TMEM232: variants seen among roughly 807,000 people sequenced by gnomAD.
TMEM232 encodes transmembrane protein 232.
Under a neutral mutation model 78.8 loss-of-function variants are expected in TMEM232, and 80 were observed. The observed-to-expected ratio is 1.01, with a 90% CI of 0.85 to 1.22. TMEM232 has a LOEUF of 1.22. Among genes scored for constraint, TMEM232 ranks in the 50% most tolerant of loss-of-function variants. The pLI, the probability that TMEM232 is intolerant of heterozygous loss-of-function variation, is 0.00. For synonymous variants in TMEM232, 297 were observed against 254.3 expected, an observed-to-expected ratio of 1.17 and a Z score of -1.60; for missense variants, 881 against 742.2, an observed-to-expected ratio of 1.19 and a Z score of -2.17.
intron 12 of TMEM232, among the ~76,000 whole-genome samples, chr5:110,495,639 C>T (rs1279685667): frequency 6.6e-6 from 1 of 151,704 alleles, no homozygotes; most frequent in Non-Finnish European, 1.5e-5. Context: ...GAGGTCAGAA[C>T]ACATATTAGT....
At chr5:110,690,983 G>T (rs1341686335) in intron 1 of TMEM232, among the ~76,000 whole-genome samples, 1 of 151,964 alleles carries the variant, frequency 6.6e-6, no homozygotes, top group Non-Finnish European at 1.5e-5. Flanking sequence ...GGGGGTGTGG[G>T]GGTAGGGGAG....
At chr5:110,588,600 G>T (rs566115110) in intron 10 of TMEM232, among the ~76,000 whole-genome samples, 3 of 152,208 alleles carry the variant, frequency 2.0e-5, no homozygotes, top group African/African-American at 7.2e-5. Flanking sequence ...ACTAGAACGC[G>T]AGAAAATGAA....
At chr5:110,468,726 T>A (rs1762354049) in intron 12 of TMEM232, among the ~76,000 whole-genome samples, 1 of 152,218 alleles carries the variant, frequency 6.6e-6, no homozygotes, top group Non-Finnish European at 1.5e-5. Flanking sequence ...TTTGCTCAAA[T>A]CCCAGATCCT....
intron 5 of TMEM232, among the ~76,000 whole-genome samples, chr5:110,632,800 A>T (rs1785303413): frequency 6.6e-6 from 1 of 152,180 alleles, no homozygotes; most frequent in Non-Finnish European, 1.5e-5. Flanking sequence ...GTATCCCTAA[A>T]GGAGAAAAGT....
At chr5:110,583,960 T>C (rs941129447) in intron 10 of TMEM232, among the ~76,000 whole-genome samples, 4 of 136,110 alleles carry the variant, frequency 2.9e-5, no homozygotes, top group African/African-American at 8.4e-5. Flanking sequence ...TTAGAATATC[T>C]ATTATCAAAA....
chr5:110,483,749 T>TA (rs368161806), intron 12 of TMEM232, among the ~76,000 whole-genome samples: 7,411 of 146,686 alleles, frequency 0.051, 536 homozygotes, highest in African/African-American at 0.16. Context: ...TAAAGTATAA[T>TA]AAAAAAAAAA....
At chr5:110,406,308 A>T (rs1048330657) in intron 2 of TMEM232, among the ~76,000 whole-genome samples, 1 of 150,638 alleles carries the variant, frequency 6.6e-6, no homozygotes, top group Non-Finnish European at 1.5e-5. Context: ...ACACACACAT[A>T]TGTGTCTATA....
At chr5:110,467,808 G>T (rs1047522904) in intron 12 of TMEM232, among the ~76,000 whole-genome samples, 20 of 152,062 alleles carry the variant, frequency 1.3e-4, no homozygotes, top group Admixed American at 9.8e-4. Context: ...TGTCCACATG[G>T]CTCCTTCTGT....
chr5:110,607,733 A>G (rs1412550624), intron 8 of TMEM232, among the ~76,000 whole-genome samples: 1 of 151,982 alleles, frequency 6.6e-6, no homozygotes, highest in Non-Finnish European at 1.5e-5. Context: ...TATTATGAAG[A>G]CTTCCAGGTA....
At chr5:110,698,445 A>T (rs554838478) in intron 1 of TMEM232, among the ~76,000 whole-genome samples, 98 of 143,972 alleles carry the variant, frequency 6.8e-4, no homozygotes, top group Middle Eastern at 3.4e-3. Flanking sequence ...TAATAAAATT[A>T]AAAAAAAATG....
intron 12 of TMEM232, among the ~76,000 whole-genome samples, chr5:110,473,991 G>T (rs181979973): frequency 6.7e-6 from 1 of 148,730 alleles, no homozygotes; most frequent in African/African-American, 2.5e-5. Flanking sequence ...GGGAGAGTAG[G>T]GGGTAGAGAG....
chr5:110,584,992 G>A (rs980387781), intron 10 of TMEM232, among the ~76,000 whole-genome samples: 1 of 152,208 alleles, frequency 6.6e-6, no homozygotes, highest in Non-Finnish European at 1.5e-5. Flanking sequence ...TCTGGTTCAT[G>A]GGTCTTTTCC....
In TMEM232 at chr5:110,653,596, C is replaced by T. The variant is rs114719483; in HGVS notation, c.126-11225G>A. On this transcript the variant is annotated intron_variant, in intron 2 of 13. Transcript: ENST00000455884. The stretch of plus-strand genomic sequence containing the variant: ...ATTTAGAGATTAGGTGGAGGTCAAG[C>T]TAAATCAAGTTAAAATTGATCTATC... Among the ~76,000 whole-genome samples, 500 of 152,104 alleles carry T rather than the reference C, an allele frequency of 3.3e-3. 3 individuals are homozygous for T. The highest frequency in any genetic ancestry group is 0.011 in the African/African-American group (477 of 41,490).
At chr5:110,585,335 T>C (rs186392741) in intron 10 of TMEM232, among the ~76,000 whole-genome samples, 2 of 152,232 alleles carry the variant, frequency 1.3e-5, no homozygotes, top group Admixed American at 1.3e-4. Context: ...GTAGCAATGT[T>C]TTCCCTTCAT....
intron 12 of TMEM232, among the ~76,000 whole-genome samples, chr5:110,503,123 C>T (rs560181319): frequency 1.3e-5 from 2 of 152,208 alleles, no homozygotes; most frequent in East Asian, 3.9e-4. Flanking sequence ...ATTATTTTTA[C>T]TATGATCCCA....
chr5:110,408,869 C>A (rs181776851), intron 2 of TMEM232, among the ~76,000 whole-genome samples: 173 of 152,256 alleles, frequency 1.1e-3, no homozygotes, highest in Non-Finnish European at 1.9e-3. Context: ...TAGCCCACCA[C>A]TCATCACAGG....
chr5:110,657,572 ATTG>A (rs2150087528), intron 2 of TMEM232, among the ~76,000 whole-genome samples: 2 of 152,248 alleles, frequency 1.3e-5, no homozygotes, highest in South Asian at 2.1e-4. Context: ...AGAGGGTAGA[ATTG>A]TTGTTACCAG....
chr5:110,725,044 G>A (rs1315764926), intron 1 of TMEM232, among the ~76,000 whole-genome samples: 1 of 152,028 alleles, frequency 6.6e-6, no homozygotes, highest in African/African-American at 2.4e-5. Context: ...GAATCAGCAG[G>A]AAACATTTTA....
chr5:110,402,339 T>G (rs1040561132), intron 2 of TMEM232, among the ~76,000 whole-genome samples: 1 of 152,138 alleles, frequency 6.6e-6, no homozygotes, highest in African/African-American at 2.4e-5. Flanking sequence ...TTACAAAGTA[T>G]TGACTTATAG....
Sources: gnomAD v4.1 joint callset for allele counts (sites outside exome capture counted in the v4.1 genomes callset) on GRCh38, gnomAD v4.1.1 for gene constraint, MANE v1.5 for transcripts, NCBI Gene and HGNC (gene_info 2026-07-23, HGNC 2026-07-21) for gene names.